The following ABCC4 variants were observed in gnomAD, a reference collection of about 807,000 sequenced individuals.
ABCC4 encodes the protein ATP binding cassette subfamily C member 4 (PEL blood group).
ABCC4 carries 102 observed loss-of-function variants against 168.5 expected under a neutral mutation model. That is an observed-to-expected ratio of 0.61 (90% CI 0.52 to 0.71). ABCC4 has a LOEUF of 0.71. Ranked by LOEUF, ABCC4 falls within the 30% of genes least tolerant of loss-of-function variation. ABCC4 has a pLI of 0.00. For synonymous variants in ABCC4, 617 were observed against 590.7 expected, an observed-to-expected ratio of 1.04 and a Z score of -0.65; for missense variants, 1,402 against 1,605.8, an observed-to-expected ratio of 0.87 and a Z score of 2.17.
intron 25 of ABCC4, among the ~76,000 whole-genome samples, chr13:95,071,157 C>T (rs1594046923): frequency 6.6e-6 from 1 of 152,172 alleles, no homozygotes; most frequent in South Asian, 2.1e-4. Flanking sequence ...GAGGCCTCCC[C>T]ATCCATGTGG....
At chr13:95,163,324 T>G (rs1480969368) in intron 17 of ABCC4, 108 bp from the exon 18 acceptor site, 4 of 774,670 alleles carry the variant, frequency 5.2e-6, no homozygotes, top group Non-Finnish European at 8.5e-6. Flanking sequence ...TGCTGGAAAA[T>G]GATTCTCAGC....
chr13:95,163,202 C>CT lies in ABCC4; in HGVS notation c.2227dup (p.Ser743LysfsTer20), dbSNP rs2037154593. On this transcript the variant is annotated frameshift_variant, in exon 18 of 31. Coordinates refer to ENST00000645237, the MANE Select transcript of ABCC4 (RefSeq NM_005845.5). LOFTEE classifies it high-confidence loss of function. ...TCCATTTACAGTGACATTTAGCATA[C>CT]TTTGTTTGTTTGCCCTATGGAACAT... 1 of 1,611,872 alleles carries CT rather than the reference C, an allele frequency of 6.2e-7. No individual in the cohort carries two copies. The highest frequency in any genetic ancestry group is 8.5e-7 in the Non-Finnish European group (1 of 1,178,742).
chr13:95,105,065 G>T (rs1169243270), intron 20 of ABCC4, among the ~76,000 whole-genome samples: 1 of 151,746 alleles, frequency 6.6e-6, no homozygotes, highest in Non-Finnish European at 1.5e-5. Flanking sequence ...GAATCAGTGG[G>T]ATCCCTGAGC....
chr13:95,086,660 C>T (rs542980378), intron 20 of ABCC4, among the ~76,000 whole-genome samples: 2 of 152,210 alleles, frequency 1.3e-5, no homozygotes, highest in Non-Finnish European at 2.9e-5. Flanking sequence ...CTTTGTGAAG[C>T]TTGTGCCAAC....
At chr13:95,065,035 G>A (rs2033478868) in intron 25 of ABCC4, among the ~76,000 whole-genome samples, 1 of 152,072 alleles carries the variant, frequency 6.6e-6, no homozygotes, top group African/African-American at 2.4e-5. Context: ...TTTGTACTTG[G>A]ATCTCTCTTC....
chr13:95,215,711 C>A (rs1369224541), intron 4 of ABCC4, among the ~76,000 whole-genome samples: 1 of 152,102 alleles, frequency 6.6e-6, no homozygotes, highest in African/African-American at 2.4e-5. Context: ...CTCAAAATAT[C>A]TGAATATTAA....
chr13:95,065,085 C>T (rs1300774433), intron 25 of ABCC4, among the ~76,000 whole-genome samples: 1 of 152,164 alleles, frequency 6.6e-6, no homozygotes, highest in Admixed American at 6.6e-5. Flanking sequence ...AACAGCCCCC[C>T]TCCAAACAGC....
Position 95,089,645 on chromosome 13 carries a change from TAA to T in ABCC4, c.2536-6357_2536-6356del, listed in dbSNP as rs575645446. On this transcript the variant is annotated intron_variant, in intron 20 of 30. Transcript: ENST00000645237. Reference sequence around the variant, plus strand: ...ACTAAATACACTGAATCTAAGAACATAAAAAATAATTATACTTTATAAACTGT... The same window carrying T: ...ACTAAATACACTGAATCTAAGAACATAAAATAATTATACTTTATAAACTGT... Among the ~76,000 whole-genome samples the T allele has an allele frequency of 3.0e-3, 448 of 151,782 alleles. 1 individual carries two copies. Among genetic ancestry groups the T allele is most frequent in the Middle Eastern group, 6.8e-3 (2 of 294 alleles).
intron 21 of ABCC4, among the ~76,000 whole-genome samples, chr13:95,080,337 G>A (rs2034049239): frequency 6.6e-6 from 1 of 152,168 alleles, no homozygotes; most frequent in Non-Finnish European, 1.5e-5. Flanking sequence ...ACTGACTGTT[G>A]ATGTGGTGAC....
chr13:95,147,211 C>T (rs1052050362), intron 19 of ABCC4, among the ~76,000 whole-genome samples: 3 of 152,080 alleles, frequency 2.0e-5, no homozygotes, highest in South Asian at 2.1e-4. Context: ...ACCCCAAATT[C>T]TATTTTTTAT....
At chr13:95,287,883 C>G (rs1231489664) in intron 1 of ABCC4, among the ~76,000 whole-genome samples, 3 of 151,220 alleles carry the variant, frequency 2.0e-5, no homozygotes, top group African/African-American at 7.3e-5. Context: ...TCTACTAAAA[C>G]TACAAAAAAT....
At chr13:95,283,344 C>A (rs111302874) in intron 1 of ABCC4, among the ~76,000 whole-genome samples, 1 of 149,112 alleles carries the variant, frequency 6.7e-6, no homozygotes, top group East Asian at 2.0e-4. Flanking sequence ...CTAGAGCCAC[C>A]TTGAAGTTTT....
intron 26 of ABCC4, 134 bp from the exon 27 acceptor site, chr13:95,053,318 T>C: frequency 1.4e-6 from 1 of 731,128 alleles, no homozygotes; most frequent in South Asian, 1.7e-5. Context: ...CAAATGCCTG[T>C]TTACAAAACA....
At chr13:95,136,954 C>G (rs1203399840) in intron 19 of ABCC4, among the ~76,000 whole-genome samples, 1 of 152,200 alleles carries the variant, frequency 6.6e-6, no homozygotes, top group African/African-American at 2.4e-5. Context: ...AGAGTTGGGC[C>G]AGGGATAGAG....
chr13:95,150,739 C>T lies in ABCC4; in HGVS notation c.2455+10450G>A, dbSNP rs1345181842. On this transcript the variant is annotated intron_variant, in intron 19 of 30. Coordinates refer to ENST00000645237, the MANE Select transcript of ABCC4 (RefSeq NM_005845.5). The stretch of plus-strand genomic sequence containing the variant: ...TAAAAGCCCAAAGCGTGTACAGGTA[C>T]TTGTAAAGGGCAACACTGGAAGTCC... Among the ~76,000 whole-genome samples the T allele has an allele frequency of 3.9e-5, 6 of 152,260 alleles. No homozygotes were observed. The East Asian group carries it at 1.2e-3, about 29-fold the overall frequency.
At position 95,210,721 on chromosome 13, in the gene ABCC4, G is replaced by A. The variant is rs1353981488; in HGVS notation, c.592C>T (p.Leu198=). Residue 198 remains leucine (L), a synonymous_variant, in exon 5 of 31, where the codon CTG becomes TTG. Transcript: ENST00000645237. The part of the protein sequence containing the change: ...KTTTGQIVNL[L]SNDVNKFDQV... ...TCAAACTTGTTCACATCATTGGACAGCAGATTGACTATCTGGCCTGTGGTT... is the reference window on the plus strand; with the variant it reads ...TCAAACTTGTTCACATCATTGGACAACAGATTGACTATCTGGCCTGTGGTT... 9 of 1,614,182 alleles carry A rather than the reference G, an allele frequency of 5.6e-6. No homozygotes were observed. The highest frequency in any genetic ancestry group is 7.6e-6 in the Non-Finnish European group (9 of 1,180,004).
chr13:95,157,193 G>A (rs1282496994), intron 19 of ABCC4, among the ~76,000 whole-genome samples: 1 of 151,834 alleles, frequency 6.6e-6, no homozygotes, highest in Non-Finnish European at 1.5e-5. Flanking sequence ...CTTGCTGGGG[G>A]CCCAGCCCGC....
Position 95,021,579 on chromosome 13 carries a change from A to G in ABCC4, c.3974T>C (p.Leu1325Pro), listed in dbSNP as rs1346912676. ...GACTTGACATTTTGGTTGGATTCACAGTGCTGTCTCGAAAATAGTTAAGGT... is the reference window on the plus strand; with the variant it reads ...GACTTGACATTTTGGTTGGATTCACGGTGCTGTCTCGAAAATAGTTAAGGT... ...PSTLTIFETA[L>P] Residue 1325 changes from leucine to proline, a missense_variant, in exon 31 of 31, where the codon CTG (leucine) becomes CCG (proline). Physicochemically the swap from Leu to Pro is moderately conservative, Grantham distance 98 (BLOSUM62 -3). This residue lies in a region of ABCC4 where 1,007 missense variants were observed against 1,127.3 expected (regional missense o/e 0.89). Coordinates refer to ENST00000645237, the MANE Select transcript of ABCC4 (RefSeq NM_005845.5). 2.5e-6 allele frequency: 4 copies of G among 1,604,800 alleles called. No homozygotes were observed. Among genetic ancestry groups the G allele is most frequent in the Non-Finnish European group, 3.4e-6 (4 of 1,171,974 alleles).
At chr13:95,136,196 G>A (rs1430871174) in intron 19 of ABCC4, among the ~76,000 whole-genome samples, 2 of 151,930 alleles carry the variant, frequency 1.3e-5, no homozygotes, top group Non-Finnish European at 2.9e-5. Flanking sequence ...TTTGAGACGG[G>A]GGTTTTCACT....
Sources: gnomAD v4.1 joint callset for allele counts (sites outside exome capture counted in the v4.1 genomes callset) on GRCh38, gnomAD v4.1.1 for gene constraint, gnomAD v4.1.1 regional missense constraint, MANE v1.5 for transcripts, NCBI Gene and HGNC (gene_info 2026-07-23, HGNC 2026-07-21) for gene names.